The following LRP1B variants were observed in gnomAD, a reference collection of about 807,000 sequenced individuals.
LRP1B encodes low-density lipoprotein receptor-related protein 1B.
A neutral mutation model predicts 556.6 loss-of-function variants in LRP1B; 217 were observed. That is an observed-to-expected ratio of 0.39 (90% CI 0.35 to 0.44). LRP1B has a LOEUF of 0.44. LRP1B is among the 20% of genes least tolerant of loss of function. The pLI is 1.00. For synonymous variants in LRP1B, 2,047 were observed against 1,865.8 expected, an observed-to-expected ratio of 1.10 and a Z score of -2.50; for missense variants, 5,053 against 5,620.8, an observed-to-expected ratio of 0.90 and a Z score of 3.23.
At chr2:140,994,434 A>G (rs1327050608) in intron 15 of LRP1B, among the ~76,000 whole-genome samples, 1 of 147,548 alleles carries the variant, frequency 6.8e-6, no homozygotes, top group Non-Finnish European at 1.5e-5. Flanking sequence ...ACAATTTCTA[A>G]GTCGAATACA....
At chr2:141,061,839 A>T (rs978169682) in intron 8 of LRP1B, among the ~76,000 whole-genome samples, 2 of 151,782 alleles carry the variant, frequency 1.3e-5, no homozygotes, top group African/African-American at 4.8e-5. Context: ...TGTTTTTAAT[A>T]GAAGGGAGAA....
chr2:140,726,637 T>C (rs1052849039), intron 35 of LRP1B, among the ~76,000 whole-genome samples: 53 of 152,328 alleles, frequency 3.5e-4, no homozygotes, highest in African/African-American at 1.2e-3. Flanking sequence ...ATGTGTCATA[T>C]GCCATAGATA....
chr2:140,963,419 G>A (rs1308110810), intron 18 of LRP1B, among the ~76,000 whole-genome samples: 1 of 151,154 alleles, frequency 6.6e-6, no homozygotes, highest in Non-Finnish European at 1.5e-5. Context: ...TTTTACGTGT[G>A]TGTGTGTGCA....
At chr2:141,328,662 CA>C (rs1361002906) in intron 3 of LRP1B, among the ~76,000 whole-genome samples, 1 of 152,190 alleles carries the variant, frequency 6.6e-6, no homozygotes, top group East Asian at 1.9e-4. Context: ...ATATCTCACT[CA>C]GTTACTGTTC....
chr2:140,618,857 C>G (rs950311965), intron 41 of LRP1B, among the ~76,000 whole-genome samples: 1 of 151,680 alleles, frequency 6.6e-6, no homozygotes, highest in Non-Finnish European at 1.5e-5. Flanking sequence ...AAGATCTTAC[C>G]CAAATGAAAA....
At chr2:140,252,958 A>G (rs1426287375) in intron 86 of LRP1B, among the ~76,000 whole-genome samples, 1 of 152,006 alleles carries the variant, frequency 6.6e-6, no homozygotes, top group African/African-American at 2.4e-5. Context: ...TATTTCATTC[A>G]TTTGGTATTT....
intron 1 of LRP1B, among the ~76,000 whole-genome samples, chr2:141,975,361 G>A (rs1194065852): frequency 1.3e-5 from 2 of 151,994 alleles, no homozygotes; most frequent in African/African-American, 2.4e-5. Context: ...TAATTCTGAG[G>A]GTGTCCTTAT....
At chr2:141,960,145 G>C (rs1701360673) in intron 1 of LRP1B, among the ~76,000 whole-genome samples, 1 of 151,844 alleles carries the variant, frequency 6.6e-6, no homozygotes, top group Admixed American at 6.6e-5. Context: ...GTAGCTGTGA[G>C]AGTAGCTGTG....
rs1416017886 is a variant in LRP1B at position 141,119,342 on chromosome 2, T to C, written c.1014-57069A>G. Among the ~76,000 whole-genome samples the C allele has an allele frequency of 3.3e-5, 5 of 152,050 alleles. No homozygotes were observed. The East Asian group carries it at 7.7e-4, about 23-fold the overall frequency. ...GTTGTACTGTATAACATTTTCCCTCTACAGACTCTCCAAATTTTATTTAGG... is the reference window on the plus strand; with the variant it reads ...GTTGTACTGTATAACATTTTCCCTCCACAGACTCTCCAAATTTTATTTAGG... On this transcript the variant is annotated intron_variant, in intron 7 of 90. Transcript: ENST00000389484.
intron 43 of LRP1B, among the ~76,000 whole-genome samples, chr2:140,585,733 T>C (rs1216031117): frequency 6.6e-6 from 1 of 152,188 alleles, no homozygotes; most frequent in Non-Finnish European, 1.5e-5. Context: ...CAATGTCATA[T>C]ATTCATATAA....
intron 41 of LRP1B, among the ~76,000 whole-genome samples, chr2:140,649,515 A>G (rs1392754535): frequency 6.6e-6 from 1 of 152,250 alleles, no homozygotes; most frequent in African/African-American, 2.4e-5. Flanking sequence ...TGTAGTTGAA[A>G]GATCTAGGAA....
At chr2:141,799,778 C>T (rs547576106) in intron 2 of LRP1B, among the ~76,000 whole-genome samples, 66 of 147,568 alleles carry the variant, frequency 4.5e-4, no homozygotes, top group African/African-American at 1.6e-3. Flanking sequence ...TTCACTGTTA[C>T]GTTTAACAAT....
At chr2:140,450,459 A>G in intron 63 of LRP1B, 109 bp downstream of exon 63, 1 of 826,572 alleles carries the variant, frequency 1.2e-6, no homozygotes, top group Non-Finnish European at 2.0e-6. Flanking sequence ...TTCTATTTCA[A>G]TTTTGGAAAA....
intron 43 of LRP1B, among the ~76,000 whole-genome samples, chr2:140,585,242 C>T (rs1175798692): frequency 1.3e-5 from 2 of 151,962 alleles, no homozygotes; most frequent in African/African-American, 4.8e-5. Flanking sequence ...GTTTTAACTC[C>T]TCAAAATGCA....
At chr2:142,107,475 A>T (rs1706788177) in intron 1 of LRP1B, among the ~76,000 whole-genome samples, 1 of 152,138 alleles carries the variant, frequency 6.6e-6, no homozygotes. Context: ...CCAGATGCTG[A>T]CACCTTAATA....
At chr2:140,400,526 G>C (rs774950574) in intron 66 of LRP1B, among the ~76,000 whole-genome samples, 6 of 152,116 alleles carry the variant, frequency 3.9e-5, no homozygotes, top group Non-Finnish European at 5.9e-5. Flanking sequence ...ATCTTTGTGG[G>C]TATAGGTTCT....
At chr2:141,585,918 A>G (rs1687122044) in intron 2 of LRP1B, among the ~76,000 whole-genome samples, 1 of 148,604 alleles carries the variant, frequency 6.7e-6, no homozygotes, top group South Asian at 2.1e-4. Flanking sequence ...GGGTCTCGCT[A>G]TCTTGCTCAA....
chr2:141,383,126 A>G (rs954024319), intron 3 of LRP1B, among the ~76,000 whole-genome samples: 2 of 152,216 alleles, frequency 1.3e-5, no homozygotes, highest in African/African-American at 2.4e-5. Context: ...AAGGTGCACA[A>G]CATCATTTGC....
At chr2:141,240,828 A>C (rs1395123725) in intron 5 of LRP1B, among the ~76,000 whole-genome samples, 1 of 152,110 alleles carries the variant, frequency 6.6e-6, no homozygotes, top group Non-Finnish European at 1.5e-5. Context: ...TGCAATAAAA[A>C]TATGTTATGA....
Sources: allele counts gnomAD v4.1 joint callset (sites outside exome capture counted in the v4.1 genomes callset), GRCh38; gene constraint gnomAD v4.1.1; transcripts MANE v1.5; gene names NCBI Gene and HGNC (gene_info 2026-07-23, HGNC 2026-07-21).